The following KSR2 variants were observed in gnomAD, a reference collection of about 807,000 sequenced individuals.
The protein encoded by KSR2 is kinase suppressor of ras 2.
KSR2 carries 25 observed loss-of-function variants against 107.8 expected under a neutral mutation model. The ratio of observed to expected loss-of-function variants is 0.23; its 90% CI spans 0.17 to 0.32. KSR2 has a LOEUF of 0.32. Ranked by LOEUF, KSR2 falls within the 10% of genes least tolerant of loss-of-function variation. The probability of loss-of-function intolerance (pLI) is 1.00; values close to 1 mark genes in which losing one functional copy is unlikely to be tolerated. For missense variants in KSR2, 887 were observed against 1,268.9 expected (o/e 0.70, Z 4.57); for synonymous variants, 480 against 507.0 (o/e 0.95, Z 0.71).
At chr12:117,813,236 G>T (rs1027545651) in intron 3 of KSR2, among the ~76,000 whole-genome samples, 1 of 152,090 alleles carries the variant, frequency 6.6e-6, no homozygotes, top group Non-Finnish European at 1.5e-5. Flanking sequence ...GGGATTTTAT[G>T]AATAAGTCCT....
At chr12:117,684,790 C>T (rs764671365) in intron 4 of KSR2, among the ~76,000 whole-genome samples, 5 of 152,162 alleles carry the variant, frequency 3.3e-5, no homozygotes, top group Non-Finnish European at 4.4e-5. Context: ...AGGTAACCGG[C>T]GTTCCCAATA....
chr12:117,644,886 T>C (rs1275804490), intron 5 of KSR2, among the ~76,000 whole-genome samples: 1 of 152,142 alleles, frequency 6.6e-6, no homozygotes, highest in Non-Finnish European at 1.5e-5. Context: ...CAGCAGTTGC[T>C]CTCGCGTGCT....
At chr12:117,698,024 C>A (rs1457920385) in intron 4 of KSR2, among the ~76,000 whole-genome samples, 1 of 152,044 alleles carries the variant, frequency 6.6e-6, no homozygotes, top group Admixed American at 6.5e-5. Context: ...CAGAGTGATG[C>A]TTCTAGAGGC....
intron 4 of KSR2, among the ~76,000 whole-genome samples, chr12:117,725,384 T>C (rs191122956): frequency 9.0e-4 from 137 of 152,274 alleles, no homozygotes; most frequent in African/African-American, 3.1e-3. Context: ...TAGACCCACA[T>C]GCATATGGCC....
intron 3 of KSR2, among the ~76,000 whole-genome samples, chr12:117,770,690 C>T (rs1566005417): frequency 6.6e-6 from 1 of 151,698 alleles, no homozygotes; most frequent in Non-Finnish European, 1.5e-5. Context: ...AGTTATCGGT[C>T]GGGCGCGGTG....
At chr12:117,784,499 G>T (rs1371667675) in intron 3 of KSR2, among the ~76,000 whole-genome samples, 5 of 152,072 alleles carry the variant, frequency 3.3e-5, no homozygotes, top group African/African-American at 4.8e-5. Flanking sequence ...ACGAGAACAG[G>T]CTAATACAGT....
At chr12:117,730,562 G>A (rs1027594943) in intron 4 of KSR2, among the ~76,000 whole-genome samples, 2 of 151,850 alleles carry the variant, frequency 1.3e-5, no homozygotes, top group South Asian at 2.1e-4. Flanking sequence ...ATGCTGAGCC[G>A]AGGCTGGACT....
chr12:117,613,738 T>G (rs921123921), intron 5 of KSR2, among the ~76,000 whole-genome samples: 1 of 152,218 alleles, frequency 6.6e-6, no homozygotes, highest in African/African-American at 2.4e-5. Context: ...CAGCCTATCC[T>G]AAGGACATCA....
At chr12:117,751,280 G>T (rs565876681) in intron 4 of KSR2, among the ~76,000 whole-genome samples, 9 of 152,320 alleles carry the variant, frequency 5.9e-5, no homozygotes, top group African/African-American at 2.2e-4. Flanking sequence ...ATGCTAAACT[G>T]TGAGTCCATT....
At chr12:117,727,481 G>A (rs1012346466) in intron 4 of KSR2, among the ~76,000 whole-genome samples, 4 of 151,012 alleles carry the variant, frequency 2.6e-5, no homozygotes, top group Non-Finnish European at 4.4e-5. Context: ...AAAGAAGAAG[G>A]AGGAGGAAGA....
intron 4 of KSR2, among the ~76,000 whole-genome samples, chr12:117,751,697 C>T (rs2136827778): frequency 6.6e-6 from 1 of 152,278 alleles, no homozygotes. Flanking sequence ...GGATAGTTGC[C>T]ACACCTGCTT....
Position 117,485,663 on chromosome 12 carries a change from C to A in KSR2, c.2248G>T (p.Val750Phe), listed in dbSNP as rs368852302. Reference sequence around the variant, plus strand: ...AAAACGATTTTGGCATCCCTCACAACGGAATAGAGCGTCCGTCCCTTACAG... The same window carrying A: ...AAAACGATTTTGGCATCCCTCACAAAGGAATAGAGCGTCCGTCCCTTACAG... ...SLCKGRTLYS[V>F]VRDAKIVLDV... The change falls in exon 15 of 20, where the codon GTT becomes TTT. Residue 750 changes from valine (V) to phenylalanine (F), a missense_variant. Transcript: ENST00000339824. 1.9e-6 allele frequency: 3 copies of A among 1,613,444 alleles called. No individual in the cohort carries two copies. The highest frequency in any genetic ancestry group is 1.3e-5 in the African/African-American group (1 of 75,030).
intron 5 of KSR2, among the ~76,000 whole-genome samples, chr12:117,596,536 G>A (rs139776445): frequency 3.1e-4 from 47 of 152,034 alleles, no homozygotes; most frequent in African/African-American, 9.6e-4. Context: ...ACAGTGTCAG[G>A]GCCTTTTCAC....
At chr12:117,749,744 A>C (rs183735423) in intron 4 of KSR2, among the ~76,000 whole-genome samples, 5 of 152,302 alleles carry the variant, frequency 3.3e-5, no homozygotes, top group Admixed American at 3.3e-4. Flanking sequence ...AGAAAGCTAA[A>C]CATATTTTAA....
At chr12:117,633,173 A>T (rs1419774530) in intron 5 of KSR2, among the ~76,000 whole-genome samples, 1 of 152,232 alleles carries the variant, frequency 6.6e-6, no homozygotes, top group Non-Finnish European at 1.5e-5. Flanking sequence ...AATGTTACTT[A>T]AGTTACGATG....
At chr12:117,760,318 C>T (rs533065459) in intron 4 of KSR2, among the ~76,000 whole-genome samples, 5 of 152,316 alleles carry the variant, frequency 3.3e-5, no homozygotes, top group South Asian at 2.1e-4. Context: ...TCAATTTCCC[C>T]AACGTGTCCT....
intron 4 of KSR2, among the ~76,000 whole-genome samples, chr12:117,671,964 G>A (rs1884924754): frequency 6.6e-6 from 1 of 152,258 alleles, no homozygotes; most frequent in African/African-American, 2.4e-5. Context: ...CACTGTGAAG[G>A]AGGCCTGCTG....
chr12:117,809,109 A>C (rs1864950867), intron 3 of KSR2, among the ~76,000 whole-genome samples: 1 of 152,064 alleles, frequency 6.6e-6, no homozygotes, highest in Non-Finnish European at 1.5e-5. Context: ...TCTTTACCTA[A>C]ATTAGAATTA....
chr12:117,548,054 G>A (rs945764571), intron 9 of KSR2, among the ~76,000 whole-genome samples: 13 of 151,822 alleles, frequency 8.6e-5, no homozygotes, highest in African/African-American at 1.7e-4. Flanking sequence ...CTGAGATTGC[G>A]CCACTGCATT....
Sources: allele counts gnomAD v4.1 joint callset (sites outside exome capture counted in the v4.1 genomes callset), GRCh38; gene constraint gnomAD v4.1.1; transcripts MANE v1.5; gene names NCBI Gene and HGNC (gene_info 2026-07-23, HGNC 2026-07-21).